ZNF385D: variants seen among roughly 807,000 people sequenced by gnomAD.
ZNF385D encodes zinc finger protein 385D.
A neutral mutation model predicts 35.8 loss-of-function variants in ZNF385D; 15 were observed. The observed-to-expected ratio is 0.42, with a 90% CI of 0.28 to 0.64. The LOEUF (loss-of-function observed/expected upper bound fraction) is 0.64. Ranked by LOEUF, ZNF385D falls within the 30% of genes least tolerant of loss-of-function variation. ZNF385D has a pLI of 0.23. For missense variants in ZNF385D, 474 were observed against 494.6 expected, an observed-to-expected ratio of 0.96 and a Z score of 0.39; for synonymous variants, 212 against 186.8, an observed-to-expected ratio of 1.13 and a Z score of -1.10.
intron 2 of ZNF385D, among the ~76,000 whole-genome samples, chr3:22,182,229 A>C (rs184579616): frequency 5.3e-5 from 8 of 152,338 alleles, no homozygotes; most frequent in Non-Finnish European, 1.0e-4. Context: ...AATTAATATT[A>C]AAATTAGAAA....
At position 21,638,460 on chromosome 3, in the gene ZNF385D, C is replaced by T. The variant is rs192720659; in HGVS notation, c.165+26426G>A. The stretch of plus-strand genomic sequence containing the variant: ...AGTGCAGAGGTCCTCAGCTGTGATA[C>T]AAACCCAGTACATGTGCAGCATCCA... On this transcript the variant is annotated intron_variant, in intron 2 of 7. Transcript: ENST00000281523. Among the ~76,000 whole-genome samples the T allele has an allele frequency of 1.7e-3, 265 of 152,188 alleles. 2 individuals carry two copies. The highest frequency in any genetic ancestry group is 5.5e-3 in the African/African-American group (230 of 41,532).
At chr3:22,122,361 T>C (rs889342507) in intron 3 of ZNF385D, among the ~76,000 whole-genome samples, 5 of 152,176 alleles carry the variant, frequency 3.3e-5, no homozygotes, top group South Asian at 2.1e-4. Flanking sequence ...CTGGATTTTA[T>C]AGAAGTAACT....
At chr3:22,112,066 T>C (rs1004944712) in intron 3 of ZNF385D, among the ~76,000 whole-genome samples, 1 of 152,200 alleles carries the variant, frequency 6.6e-6, no homozygotes, top group Non-Finnish European at 1.5e-5. Context: ...TTTACTTTAC[T>C]TGAGCACTGA....
chr3:21,854,814 CTAAA>C (rs1398280555), intron 3 of ZNF385D, among the ~76,000 whole-genome samples: 1 of 151,846 alleles, frequency 6.6e-6, no homozygotes, highest in Non-Finnish European at 1.5e-5. Flanking sequence ...ATTGAATGAA[CTAAA>C]TAATAACTGA....
At position 22,094,706 on chromosome 3, in the gene ZNF385D, G is replaced by C. The variant is rs944328487; in HGVS notation, c.325+74111C>G. On this transcript the variant is annotated intron_variant, in intron 3 of 5. Transcript: ENST00000494108. The stretch of plus-strand genomic sequence containing the variant: ...AAGATGGCTAGTCATGAGAATACCA[G>C]ACATGCTCAGTAGGTTACTGAGGTG... 7.2e-5 allele frequency among the ~76,000 whole-genome samples: 11 copies of C among 152,050 alleles called. No individual in the cohort carries two copies. In the East Asian group the frequency reaches 1.7e-3, roughly 24 times the overall value.
chr3:22,257,117 C>T (rs1700357764), intron 2 of ZNF385D, among the ~76,000 whole-genome samples: 1 of 151,790 alleles, frequency 6.6e-6, no homozygotes, highest in South Asian at 2.1e-4. Context: ...TTGGGAGACT[C>T]ACAGTTTTGT....
chr3:21,825,850 G>A (rs1369180938), intron 3 of ZNF385D, among the ~76,000 whole-genome samples: 1 of 152,190 alleles, frequency 6.6e-6, no homozygotes, highest in Non-Finnish European at 1.5e-5. Context: ...TACAGCAGGA[G>A]GTGAGCGCCG....
intron 3 of ZNF385D, among the ~76,000 whole-genome samples, chr3:21,837,870 C>CAAA (rs57424579): frequency 0.051 from 7,044 of 138,746 alleles, 284 homozygotes; most frequent in East Asian, 0.096. Context: ...GACTCCATCT[C>CAAA]AAAAAAAAAA....
chr3:21,996,997 A>G (rs941450616), intron 3 of ZNF385D, among the ~76,000 whole-genome samples: 1 of 152,182 alleles, frequency 6.6e-6, no homozygotes, highest in Admixed American at 6.5e-5. Flanking sequence ...GAGAGATTAA[A>G]CCAATGTTAT....
chr3:22,290,642 G>C (rs1443687376), intron 2 of ZNF385D, among the ~76,000 whole-genome samples: 1 of 152,134 alleles, frequency 6.6e-6, no homozygotes, highest in African/African-American at 2.4e-5. Context: ...GAGGGGCCTA[G>C]ATGTTTCTTG....
At chr3:21,610,799 A>C (rs372578729) in intron 2 of ZNF385D, among the ~76,000 whole-genome samples, 4 of 151,558 alleles carry the variant, frequency 2.6e-5, no homozygotes, top group African/African-American at 9.7e-5. Context: ...AACAATAGTC[A>C]TGTGTTATTT....
At chr3:22,040,512 A>G (rs1698598675) in intron 3 of ZNF385D, among the ~76,000 whole-genome samples, 1 of 152,188 alleles carries the variant, frequency 6.6e-6, no homozygotes, top group Admixed American at 6.5e-5. Context: ...TGATTTTCTA[A>G]AATGGGGAAA....
chr3:21,868,552 C>T (rs915420453), intron 3 of ZNF385D, among the ~76,000 whole-genome samples: 8 of 152,070 alleles, frequency 5.3e-5, no homozygotes, highest in Admixed American at 3.3e-4. Flanking sequence ...TTTTCTTCCT[C>T]GTCATCTATT....
chr3:22,175,827 A>T (rs1559429253), intron 2 of ZNF385D, among the ~76,000 whole-genome samples: 1 of 150,596 alleles, frequency 6.6e-6, no homozygotes, highest in Non-Finnish European at 1.5e-5. Flanking sequence ...AAATCAAATA[A>T]ACTACTTCAG....
chr3:22,066,670 G>A (rs1035877659), intron 3 of ZNF385D, among the ~76,000 whole-genome samples: 3 of 151,886 alleles, frequency 2.0e-5, no homozygotes, highest in African/African-American at 7.3e-5. Context: ...GTAGGAGGCA[G>A]TAACAAGGTT....
intron 3 of ZNF385D, among the ~76,000 whole-genome samples, chr3:21,940,742 A>G (rs986045718): frequency 1.3e-5 from 2 of 152,236 alleles, no homozygotes; most frequent in South Asian, 2.1e-4. Flanking sequence ...GAGTATAAAG[A>G]GTTCATATAC....
intron 1 of ZNF385D, among the ~76,000 whole-genome samples, chr3:21,705,719 T>C (rs1248428763): frequency 1.3e-5 from 2 of 152,202 alleles, no homozygotes; most frequent in Admixed American, 6.5e-5. Flanking sequence ...CTGTGTTCCA[T>C]TGCTTCTTTC....
At chr3:22,364,415 C>A (rs999439056) in intron 2 of ZNF385D, among the ~76,000 whole-genome samples, 1 of 151,904 alleles carries the variant, frequency 6.6e-6, no homozygotes, top group South Asian at 2.1e-4. Flanking sequence ...AACAACAAAG[C>A]AACCTGATTA....
intron 1 of ZNF385D, among the ~76,000 whole-genome samples, chr3:21,686,094 A>G (rs990368170): frequency 1.3e-5 from 2 of 152,194 alleles, no homozygotes; most frequent in African/African-American, 4.8e-5. Context: ...AGAATGATTA[A>G]AGATTAATAA....
Sources: gnomAD v4.1 joint callset for allele counts (sites outside exome capture counted in the v4.1 genomes callset) on GRCh38, gnomAD v4.1.1 for gene constraint, MANE v1.5 for transcripts, NCBI Gene and HGNC (gene_info 2026-07-23, HGNC 2026-07-21) for gene names.